Variants in TNS3 observed in about 807,000 individuals in gnomAD.
The protein encoded by TNS3 is tensin 3.
A neutral mutation model predicts 140.9 loss-of-function variants in TNS3; 45 were observed. That is an observed-to-expected ratio of 0.32 (90% CI 0.25 to 0.41). TNS3 has a LOEUF of 0.41. Among genes scored for constraint, TNS3 ranks in the 10% least tolerant of loss-of-function variants. The pLI is 1.00. For synonymous variants in TNS3, 815 were observed against 788.4 expected, an observed-to-expected ratio of 1.03 and a Z score of -0.56; for missense variants, 1,716 against 1,906.7, an observed-to-expected ratio of 0.90 and a Z score of 1.86.
chr7:47,304,735 T>C (rs1262068133), intron 21 of TNS3, 97 bp downstream of exon 21: 8 of 1,210,302 alleles, frequency 6.6e-6, no homozygotes, highest in Non-Finnish European at 8.5e-6. Flanking sequence ...TAGCTTCAGC[T>C]TCTCTGAAGA....
At chr7:47,540,714 T>G (rs971744882) in intron 1 of TNS3, among the ~76,000 whole-genome samples, 1 of 152,192 alleles carries the variant, frequency 6.6e-6, no homozygotes, top group Non-Finnish European at 1.5e-5. Context: ...AGCAGACACT[T>G]TCCAGACAGG....
In TNS3 at chr7:47,521,960, G is replaced by C. The variant is rs558055038; in HGVS notation, c.-153+7076C>G. Among the ~76,000 whole-genome samples, 67 of 152,302 alleles carry C rather than the reference G, an allele frequency of 4.4e-4. 1 individual carries two copies. The highest frequency in any genetic ancestry group is 1.7e-3 in the South Asian group (8 of 4,832). ...CAAAGGGCCAGACCCAGGGAAGCTG[G>C]GTTAGGAAGGAGGAATGGGAGGTCT... is the stretch of plus-strand genomic sequence containing the variant. On this transcript the variant is annotated intron_variant, in intron 2 of 30. Coordinates refer to ENST00000311160, the MANE Select transcript of TNS3 (RefSeq NM_022748.12).
intron 16 of TNS3, among the ~76,000 whole-genome samples, chr7:47,370,468 A>G (rs946703196): frequency 2.0e-5 from 3 of 152,182 alleles, no homozygotes; most frequent in Non-Finnish European, 2.9e-5. Context: ...TGATTTCCAT[A>G]CATGGAATGT....
intron 23 of TNS3, among the ~76,000 whole-genome samples, chr7:47,297,910 C>T (rs954338422): frequency 6.6e-6 from 1 of 151,654 alleles, no homozygotes; most frequent in Non-Finnish European, 1.5e-5. Context: ...CCTCAGCCTC[C>T]GGAGTAGCTG....
intron 1 of TNS3, among the ~76,000 whole-genome samples, chr7:47,543,374 G>A (rs1015063747): frequency 5.3e-5 from 8 of 152,240 alleles, no homozygotes; most frequent in South Asian, 4.1e-4. Flanking sequence ...CTTTCGGTAC[G>A]TCAAGTCCCA....
intron 20 of TNS3, among the ~76,000 whole-genome samples, chr7:47,324,988 T>C (rs145066070): frequency 6.6e-6 from 1 of 152,108 alleles, no homozygotes; most frequent in African/African-American, 2.4e-5. Flanking sequence ...ATGATAAATC[T>C]AGTAGGCAGC....
chr7:47,566,718 T>G (rs1389786546), intron 1 of TNS3, among the ~76,000 whole-genome samples: 2 of 152,144 alleles, frequency 1.3e-5, no homozygotes, highest in Non-Finnish European at 2.9e-5. Context: ...TGATCTGACT[T>G]AGCGGGCCAA....
chr7:47,361,132 T>C (rs1228299805), intron 17 of TNS3, among the ~76,000 whole-genome samples: 1 of 143,366 alleles, frequency 7.0e-6, no homozygotes, highest in Non-Finnish European at 1.5e-5. Flanking sequence ...CCATTGTCTC[T>C]GGGACCCTAA....
At chr7:47,346,502 G>A (rs1273915297) in intron 17 of TNS3, 146 bp from the exon 18 acceptor site, 2 of 993,316 alleles carry the variant, frequency 2.0e-6, no homozygotes, top group East Asian at 2.6e-5. Context: ...TGTGGTTGCT[G>A]AAGGCAGCTG....
In TNS3 at chr7:47,275,896, G is replaced by A; in HGVS notation, c.*2180C>T. The A allele has an allele frequency of 2.2e-6, 1 of 455,816 alleles. No homozygotes were observed. The highest frequency in any genetic ancestry group is 4.4e-6 in the Non-Finnish European group (1 of 226,674). 28.2% of individuals were successfully genotyped at this position (455,816 alleles called of 1,614,324 possible). A position where few individuals can be genotyped will look rare whatever the true frequency, so the allele number is the denominator to read the frequency against. ...CACCCCGATGTCTCTGTGATTCCCT[G>A]GCAGGCTGCGTTTCTCAATACTGAG... is the stretch of plus-strand genomic sequence containing the variant. On this transcript the variant is annotated 3_prime_UTR_variant, in exon 31 of 31. Transcript: ENST00000311160.
Position 47,413,939 on chromosome 7 carries a change from G to T in TNS3, c.645C>A (p.Ile215=). 6.2e-7 allele frequency: 1 copy of T among 1,613,860 alleles called. No individual in the cohort carries two copies. The highest frequency in any genetic ancestry group is 8.5e-7 in the Non-Finnish European group (1 of 1,180,016). The change falls in exon 12 of 31, where the codon ATC becomes ATA. Residue 215 remains isoleucine, a splice_region_variant and synonymous_variant. Coordinates refer to ENST00000311160, the MANE Select transcript of TNS3 (RefSeq NM_022748.12). The part of the protein sequence containing the change: ...QAMQPVYTSG[I]YNVGPENPSR... ...GCAGCAGCAGCAGCAGCACTCACTA[G>T]ATCCCGGAGGTGTACACAGGCTGCA...
chr7:47,363,627 T>C (rs974524780), intron 17 of TNS3, among the ~76,000 whole-genome samples: 1 of 152,150 alleles, frequency 6.6e-6, no homozygotes. Context: ...TGTGTAGCAG[T>C]TTGTGTCCAG....
At chr7:47,384,517 A>G (rs1023588167) in intron 16 of TNS3, among the ~76,000 whole-genome samples, 1 of 152,160 alleles carries the variant, frequency 6.6e-6, no homozygotes, top group African/African-American at 2.4e-5. Flanking sequence ...TCAACATTTT[A>G]TTGAGGCCCT....
At chr7:47,405,999 G>C (rs1032332364) in intron 13 of TNS3, among the ~76,000 whole-genome samples, 5 of 152,124 alleles carry the variant, frequency 3.3e-5, no homozygotes, top group African/African-American at 1.2e-4. Context: ...ACCAGGGAGG[G>C]AGCAAGCCGG....
intron 3 of TNS3, among the ~76,000 whole-genome samples, chr7:47,503,572 T>C (rs141907249): frequency 8.8e-5 from 12 of 136,390 alleles, no homozygotes; most frequent in African/African-American, 3.0e-4. Flanking sequence ...TGATTGTACA[T>C]ACATTATGTG....
At chr7:47,318,283 T>C (rs1787527844) in intron 20 of TNS3, among the ~76,000 whole-genome samples, 1 of 152,220 alleles carries the variant, frequency 6.6e-6, no homozygotes, top group Non-Finnish European at 1.5e-5. Context: ...TAAGGCTGAG[T>C]AATATTCCAC....
At chr7:47,416,154 C>T (rs954725330) in intron 10 of TNS3, among the ~76,000 whole-genome samples, 1 of 152,208 alleles carries the variant, frequency 6.6e-6, no homozygotes, top group African/African-American at 2.4e-5. Context: ...GTACTCTTTG[C>T]AAGAAAAACC....
At position 47,415,350 on chromosome 7, in the gene TNS3, A is replaced by G. The variant is rs778070208; in HGVS notation, c.474-144T>C. On this transcript the variant is annotated intron_variant, in intron 10 of 30. Coordinates refer to ENST00000311160, the MANE Select transcript of TNS3 (RefSeq NM_022748.12). ...CTGCTCACAGCCAGGGGTTCTCAGC[A>G]TGGTGCTGCGCTTACAGGTCTGAGG... is the stretch of plus-strand genomic sequence containing the variant. The G allele has an allele frequency of 4.9e-4, 298 of 603,654 alleles. 1 individual carries two copies. Among genetic ancestry groups the G allele is most frequent in the Middle Eastern group, 2.3e-3 (6 of 2,630 alleles). The allele number at this position is 603,654 out of a possible 1,614,324, so 37.4% of individuals were successfully genotyped here. A position where few individuals can be genotyped will look rare whatever the true frequency, so the allele number is the denominator to read the frequency against.
intron 2 of TNS3, among the ~76,000 whole-genome samples, chr7:47,517,409 A>G (rs1798815153): frequency 6.6e-6 from 1 of 152,162 alleles, no homozygotes; most frequent in African/African-American, 2.4e-5. Context: ...CAAGCCTCAG[A>G]TAAGTCTCGT....
Sources: gnomAD v4.1 joint callset for allele counts (sites outside exome capture counted in the v4.1 genomes callset) on GRCh38, gnomAD v4.1.1 for gene constraint, MANE v1.5 for transcripts, NCBI Gene and HGNC (gene_info 2026-07-23, HGNC 2026-07-21) for gene names.